NFE2L2: variants seen among roughly 807,000 people sequenced by gnomAD.
NFE2L2 encodes nuclear factor erythroid 2-related factor 2.
In NFE2L2, 20 loss-of-function variants were observed where a neutral mutation model predicts 49.6. The observed-to-expected ratio is 0.40, with a 90% CI of 0.28 to 0.59. NFE2L2 has a LOEUF of 0.59. Ranked by LOEUF, NFE2L2 falls within the 20% of genes least tolerant of loss-of-function variation. The probability of loss-of-function intolerance (pLI) is 0.40; values close to 1 mark genes in which losing one functional copy is unlikely to be tolerated. For synonymous variants in NFE2L2, 244 were observed against 256.5 expected (o/e 0.95, Z 0.47); for missense variants, 578 against 714.2 (o/e 0.81, Z 2.17).
At chr2:177,241,514 C>T (rs1261558883) in intron 1 of NFE2L2, among the ~76,000 whole-genome samples, 4 of 152,082 alleles carry the variant, frequency 2.6e-5, no homozygotes, top group African/African-American at 9.7e-5. Flanking sequence ...AAATTAAGAG[C>T]TATATGAGGC....
rs765285693 is a variant in NFE2L2, at chr2:177,231,393, C to T, written c.1210G>A (p.Val404Ile). The change falls in exon 5 of 5, where the codon GTA becomes ATA. Residue 404 changes from valine (V) to isoleucine (I), a missense_variant. Transcript: ENST00000397062. ...KTPVHSSGDM[V>I]QPLSPSQGQS... ...CCCTGAGATGGTGACAAGGGTTGTA[C>T]CATATCCCCAGAAGAATGTACTGGT... 4 of 1,614,248 alleles carry T rather than the reference C, an allele frequency of 2.5e-6. No homozygotes were observed. Among genetic ancestry groups the T allele is most frequent in the Non-Finnish European group, 3.4e-6 (4 of 1,180,048 alleles).
chr2:177,241,190 T>C (rs902379196), intron 1 of NFE2L2, among the ~76,000 whole-genome samples: 32 of 152,254 alleles, frequency 2.1e-4, no homozygotes, highest in Non-Finnish European at 3.7e-4. Context: ...TCATGTAGTA[T>C]AAAGTTGGAA....
intron 1 of NFE2L2, among the ~76,000 whole-genome samples, chr2:177,245,269 G>C (rs1485515060): frequency 1.3e-5 from 2 of 152,056 alleles, no homozygotes; most frequent in South Asian, 4.2e-4. Context: ...GGGACCACAG[G>C]AATCACCCAG....
rs964854982 is a variant in NFE2L2 at position 177,263,922 on chromosome 2, CGA to C, written c.45+608_45+609del. 29 of 985,474 alleles carry C rather than the reference CGA, an allele frequency of 2.9e-5. No homozygotes were observed. In the African/African-American group the frequency reaches 4.9e-4, roughly 17 times the overall value. The allele number at this position is 985,474 out of a possible 1,614,324, so 61.0% of individuals were successfully genotyped here. A position where few individuals can be genotyped will look rare whatever the true frequency, so the allele number is the denominator to read the frequency against. Reference sequence around the variant, plus strand: ...AGCTCAAGGCTGCCAGAGAGTGATCCGAGAGATGGATGACTTCGCAAAGCCGC... The same window carrying C: ...AGCTCAAGGCTGCCAGAGAGTGATCCGAGATGGATGACTTCGCAAAGCCGC... On this transcript the variant is annotated intron_variant, in intron 1 of 4. Transcript: ENST00000397062.
chr2:177,233,112 C>A (rs549014369), intron 3 of NFE2L2, 138 bp downstream of exon 3: 14 of 687,722 alleles, frequency 2.0e-5, no homozygotes, highest in Admixed American at 3.6e-5. Context: ...AAGAGTATTT[C>A]CTTGGTTAAA....
At position 177,230,917 on chromosome 2, in the gene NFE2L2, G is replaced by A. The variant is rs751357629; in HGVS notation, c.1686C>T (p.Leu562=). 20 of 1,613,890 alleles carry A rather than the reference G, an allele frequency of 1.2e-5. No homozygotes were observed. Among genetic ancestry groups the A allele is most frequent in the African/African-American group, 2.7e-5 (2 of 74,906 alleles). ...CATCACGTAGCATGCTGAAAACTTC[G>A]AGATATAAGGTGCTGAGTTGTTTTT... ...LLKKQLSTLY[L]EVFSMLRDED... The change falls in exon 5 of 5, where the codon CTC becomes CTT. Residue 562 remains leucine (L), a synonymous_variant. Coordinates refer to ENST00000397062, the MANE Select transcript of NFE2L2 (RefSeq NM_006164.5).
At chr2:177,256,925 C>T (rs73976300) in intron 1 of NFE2L2, among the ~76,000 whole-genome samples, 34,053 of 152,130 alleles carry the variant, frequency 0.22, 4,178 homozygotes, top group African/African-American at 0.3. Context: ...CAGAAGCCCC[C>T]CAACCACCAC....
intron 1 of NFE2L2, among the ~76,000 whole-genome samples, chr2:177,246,204 T>G (rs1690122243): frequency 6.6e-6 from 1 of 152,054 alleles, no homozygotes; most frequent in Non-Finnish European, 1.5e-5. Flanking sequence ...CCAACGTAAC[T>G]TGCCTAAAGA....
At chr2:177,242,510 C>T (rs775068665) in intron 1 of NFE2L2, among the ~76,000 whole-genome samples, 1 of 152,122 alleles carries the variant, frequency 6.6e-6, no homozygotes, top group Non-Finnish European at 1.5e-5. Flanking sequence ...ATTTTTCTGC[C>T]CTTTTATCTT....
chr2:177,233,036 G>A, intron 3 of NFE2L2: 1 of 539,042 alleles, frequency 1.9e-6, no homozygotes, highest in East Asian at 3.3e-5. Context: ...TTTTGGTTTT[G>A]TATTGTGTGA....
At chr2:177,250,747 G>A (rs1474367656) in intron 1 of NFE2L2, among the ~76,000 whole-genome samples, 2 of 152,240 alleles carry the variant, frequency 1.3e-5, no homozygotes, top group Non-Finnish European at 2.9e-5. Flanking sequence ...CAGGGAGGCT[G>A]CACAGTGCGA....
intron 1 of NFE2L2, 106 bp downstream of exon 1, chr2:177,264,426 A>G (rs1284274446): frequency 2.5e-6 from 3 of 1,210,938 alleles, no homozygotes; most frequent in East Asian, 3.3e-5. Context: ...GGCTCTGGCC[A>G]GACGTGGGGG....
chr2:177,246,198 C>T (rs759715082), intron 1 of NFE2L2, among the ~76,000 whole-genome samples: 8 of 152,182 alleles, frequency 5.3e-5, no homozygotes, highest in Admixed American at 1.3e-4. Context: ...ATCAGGCCAA[C>T]GTAACTTGCC....
At chr2:177,263,706 C>G in intron 1 of NFE2L2, 1 of 985,526 alleles carries the variant, frequency 1.0e-6, no homozygotes, top group Non-Finnish European at 1.2e-6. Flanking sequence ...CGACTCCGGC[C>G]TCAGAGTCCA....
intron 2 of NFE2L2, 95 bp downstream of exon 2, chr2:177,233,910 A>C (rs1445631044): frequency 6.7e-7 from 1 of 1,498,898 alleles, no homozygotes; most frequent in African/African-American, 1.4e-5. Context: ...AGTAAAAGAA[A>C]GGCAAAGCTG....
intron 1 of NFE2L2, among the ~76,000 whole-genome samples, chr2:177,240,102 C>T (rs1261760034): frequency 6.6e-6 from 1 of 152,124 alleles, no homozygotes; most frequent in Non-Finnish European, 1.5e-5. Flanking sequence ...CACAAATGAC[C>T]CAGCTCTCTG....
intron 1 of NFE2L2, among the ~76,000 whole-genome samples, chr2:177,248,600 G>A (rs978074508): frequency 1.3e-5 from 2 of 152,114 alleles, no homozygotes; most frequent in African/African-American, 4.8e-5. Flanking sequence ...GTAGAGACAG[G>A]GTTTCTCCAT....
Position 177,236,272 on chromosome 2 carries a change from C to T in NFE2L2, c.46-2001G>A, listed in dbSNP as rs555974311. On this transcript the variant is annotated intron_variant, in intron 1 of 4. Coordinates refer to ENST00000397062, the MANE Select transcript of NFE2L2 (RefSeq NM_006164.5). ...AGGCAGCGCAGCTAGCTAGATGGCA[C>T]AGGCCACCTGTGTCCATGATTGAAG... Among the ~76,000 whole-genome samples, 10 of 152,358 alleles carry T rather than the reference C, an allele frequency of 6.6e-5. No individual in the cohort carries two copies. The South Asian group carries it at 2.1e-3, about 32-fold the overall frequency.
At position 177,251,036 on chromosome 2, in the gene NFE2L2, C is replaced by G. The variant is rs191012195; in HGVS notation, c.45+13496G>C. Among the ~76,000 whole-genome samples the G allele has an allele frequency of 5.9e-5, 9 of 152,298 alleles. No individual in the cohort carries two copies. In the East Asian group the frequency reaches 1.7e-3, roughly 29 times the overall value. ...CCAAATGACCATGAGAAGCATCTACCTTTTAGGGTTCTGGGTCTAACCAGT... is the reference window on the plus strand; with the variant it reads ...CCAAATGACCATGAGAAGCATCTACGTTTTAGGGTTCTGGGTCTAACCAGT... On this transcript the variant is annotated intron_variant, in intron 1 of 4. Transcript: ENST00000397062.
Sources: gnomAD v4.1 joint callset for allele counts (sites outside exome capture counted in the v4.1 genomes callset) on GRCh38, gnomAD v4.1.1 for gene constraint, MANE v1.5 for transcripts, NCBI Gene and HGNC (gene_info 2026-07-23, HGNC 2026-07-21) for gene names.